ATF2: variants seen among roughly 807,000 people sequenced by gnomAD.
ATF2 encodes the protein activating transcription factor 2.
ATF2 carries 24 observed loss-of-function variants against 60.6 expected under a neutral mutation model. The observed-to-expected ratio is 0.40, with a 90% CI of 0.29 to 0.56. ATF2 has a LOEUF of 0.56. Among genes scored for constraint, ATF2 ranks in the 20% least tolerant of loss-of-function variants. The probability of loss-of-function intolerance (pLI) is 0.54; values close to 1 mark genes in which losing one functional copy is unlikely to be tolerated. For synonymous variants in ATF2, 206 were observed against 215.4 expected, an observed-to-expected ratio of 0.96 and a Z score of 0.38; for missense variants, 433 against 607.7, an observed-to-expected ratio of 0.71 and a Z score of 3.02.
Position 175,098,940 on chromosome 2 carries a change from G to A in ATF2, c.829-1347C>T, listed in dbSNP as rs73033991. Among the ~76,000 whole-genome samples the A allele has an allele frequency of 3.4e-3, 521 of 152,194 alleles. 4 individuals carry two copies. Among genetic ancestry groups the A allele is most frequent in the African/African-American group, 0.012 (490 of 41,524 alleles). On this transcript the variant is annotated intron_variant, in intron 10 of 13. Coordinates refer to ENST00000264110, the MANE Select transcript of ATF2 (RefSeq NM_001880.4). ...ATTTCAACTGAGGCAGTAATTATGC[G>A]TGAACAAATGTTAGTGGACATTTTC...
intron 10 of ATF2, among the ~76,000 whole-genome samples, chr2:175,099,477 A>G (rs1401722745): frequency 6.6e-6 from 1 of 152,142 alleles, no homozygotes; most frequent in Non-Finnish European, 1.5e-5. Context: ...TTTTACCACA[A>G]TAAAATCCTC....
intron 12 of ATF2, among the ~76,000 whole-genome samples, chr2:175,085,595 C>G (rs1469610819): frequency 7.7e-6 from 1 of 129,982 alleles, no homozygotes; most frequent in East Asian, 2.1e-4. Context: ...CACACACACA[C>G]ACAAATTCTC....
chr2:175,111,146 A>C (rs1281100778), intron 10 of ATF2, among the ~76,000 whole-genome samples: 1 of 152,218 alleles, frequency 6.6e-6, no homozygotes, highest in African/African-American at 2.4e-5. Context: ...TCCAAACAGC[A>C]CAACAGAAAA....
chr2:175,127,211 C>T (rs1697397319), intron 4 of ATF2: 1 of 152,404 alleles, frequency 6.6e-6, no homozygotes, highest in African/African-American at 2.4e-5. Flanking sequence ...TGCACTCCAG[C>T]CCGGGTGACA....
At position 175,114,752 on chromosome 2, in the gene ATF2, T is replaced by C. The variant is rs766344823; in HGVS notation, c.564A>G (p.Ala188=). 6.2e-7 allele frequency: 1 copy of C among 1,614,074 alleles called. No homozygotes were observed. Among genetic ancestry groups the C allele is most frequent in the Non-Finnish European group, 8.5e-7 (1 of 1,179,948 alleles). Residue 188 remains alanine, a synonymous_variant, in exon 8 of 14, where the codon GCA becomes GCG. Coordinates refer to ENST00000264110, the MANE Select transcript of ATF2 (RefSeq NM_001880.4). ...SSDSSVIIQQ[A]VPSPTSSTVI... is the part of the protein sequence containing the mutation. ...CAGTACTTGAGGTTGGTGAAGGTAC[T>C]GCCTGCTGAATAATTACACTTGAGT...
intron 13 of ATF2, chr2:175,080,185 A>C (rs1693668712): frequency 6.6e-6 from 1 of 152,198 alleles, no homozygotes; most frequent in African/African-American, 2.4e-5. Flanking sequence ...AACAATAAAA[A>C]CGTTACACAA....
At chr2:175,100,137 C>A (rs1362689549) in intron 10 of ATF2, among the ~76,000 whole-genome samples, 1 of 152,202 alleles carries the variant, frequency 6.6e-6, no homozygotes, top group African/African-American at 2.4e-5. Flanking sequence ...CAGAACCTAA[C>A]TCTACCTCAA....
intron 7 of ATF2, among the ~76,000 whole-genome samples, chr2:175,115,523 T>C (rs1696492628): frequency 6.6e-6 from 1 of 152,138 alleles, no homozygotes; most frequent in African/African-American, 2.4e-5. Context: ...TTTTACAAAT[T>C]ATAGAACAAA....
Position 175,153,658 on chromosome 2 carries a change from G to A in ATF2, c.-142-2500C>T, listed in dbSNP as rs374041515. Among the ~76,000 whole-genome samples the A allele has an allele frequency of 3.3e-4, 50 of 151,818 alleles. 1 individual carries two copies. Among genetic ancestry groups the A allele is most frequent in the African/African-American group, 1.1e-3 (46 of 41,404 alleles). On this transcript the variant is annotated intron_variant, in intron 1 of 13. Transcript: ENST00000264110. Reference sequence around the variant, plus strand: ...GCCTGGCCAATATGGTGAAACCCCCGTCTCTACTAAAAATACAAAAAATTA... The same window carrying A: ...GCCTGGCCAATATGGTGAAACCCCCATCTCTACTAAAAATACAAAAAATTA...
At chr2:175,126,565 CAG>C (rs1337337646) in intron 4 of ATF2, among the ~76,000 whole-genome samples, 1 of 152,146 alleles carries the variant, frequency 6.6e-6, no homozygotes, top group Non-Finnish European at 1.5e-5. Context: ...GTTAATGTTA[CAG>C]AGGTCTTTTA....
intron 12 of ATF2, among the ~76,000 whole-genome samples, chr2:175,083,136 G>GA (rs1199432376): frequency 6.6e-6 from 1 of 151,488 alleles, no homozygotes. Context: ...CACAGAATTG[G>GA]AAAAAACTAC....
intron 10 of ATF2, among the ~76,000 whole-genome samples, chr2:175,106,200 CCT>C (rs1190318848): frequency 2.6e-5 from 4 of 152,034 alleles, no homozygotes; most frequent in Non-Finnish European, 4.4e-5. Flanking sequence ...AATATACGTA[CCT>C]CTCTCTCTAA....
At chr2:175,165,814 G>A (rs1300863206) in intron 1 of ATF2, among the ~76,000 whole-genome samples, 2 of 152,106 alleles carry the variant, frequency 1.3e-5, no homozygotes, top group East Asian at 1.9e-4. Context: ...GACTACAGGA[G>A]CCAACACACC....
chr2:175,167,750 C>G (rs1316867370), intron 1 of ATF2: 8 of 472,826 alleles, frequency 1.7e-5, no homozygotes, highest in Non-Finnish European at 3.1e-5. Flanking sequence ...AAGAGGGAGC[C>G]GTTATTCCTT....
chr2:175,139,586 T>C (rs749041340), intron 2 of ATF2, among the ~76,000 whole-genome samples: 1 of 151,610 alleles, frequency 6.6e-6, no homozygotes, highest in Admixed American at 6.6e-5. Context: ...GGCAGGAGAA[T>C]TGCTTAAACC....
At position 175,073,162 on chromosome 2, in the gene ATF2, T is replaced by A. The variant is rs1428116202; in HGVS notation, c.*1447A>T. ...GTTTTCTTACGCACATCTACTACTTTTAAAATTTTATGTTTAACAATTTAT... is the reference window on the plus strand; with the variant it reads ...GTTTTCTTACGCACATCTACTACTTATAAAATTTTATGTTTAACAATTTAT... On this transcript the variant is annotated 3_prime_UTR_variant, in exon 14 of 14. Transcript: ENST00000264110. The A allele has an allele frequency of 6.6e-6, 1 of 152,158 alleles. No homozygotes were observed. The highest frequency in any genetic ancestry group is 2.4e-5 in the African/African-American group (1 of 41,448). 9.4% of individuals were successfully genotyped at this position (152,158 alleles called of 1,614,324 possible).
At chr2:175,125,002 T>TA (rs1382169493) in intron 4 of ATF2, among the ~76,000 whole-genome samples, 1 of 152,058 alleles carries the variant, frequency 6.6e-6, no homozygotes, top group Non-Finnish European at 1.5e-5. Context: ...AGTCTAGTAT[T>TA]AAAAACTCTT....
At chr2:175,163,042 G>A (rs1559130966) in intron 1 of ATF2, among the ~76,000 whole-genome samples, 1 of 152,096 alleles carries the variant, frequency 6.6e-6, no homozygotes, top group Non-Finnish European at 1.5e-5. Flanking sequence ...GCTGAGGCAG[G>A]AGAATGGCAT....
intron 10 of ATF2, among the ~76,000 whole-genome samples, chr2:175,107,454 A>G (rs953291387): frequency 6.6e-6 from 1 of 152,172 alleles, no homozygotes; most frequent in African/African-American, 2.4e-5. Flanking sequence ...TGGCCATGAA[A>G]GTTACATAAG....
Sources: allele counts gnomAD v4.1 joint callset (sites outside exome capture counted in the v4.1 genomes callset), GRCh38; gene constraint gnomAD v4.1.1; transcripts MANE v1.5; gene names NCBI Gene and HGNC (gene_info 2026-07-23, HGNC 2026-07-21).